The following CPA6 variants were observed in gnomAD, a reference collection of about 807,000 sequenced individuals.
CPA6 encodes carboxypeptidase A6, also known as carboxypeptidase B.
In CPA6, 58 loss-of-function variants were observed where a neutral mutation model predicts 63.3. That is an observed-to-expected ratio of 0.92 (90% CI 0.74 to 1.14). CPA6 has a LOEUF of 1.14. CPA6 is among the 50% of genes most tolerant of loss of function. The pLI is 0.00. For missense variants in CPA6, 565 were observed against 526.6 expected (o/e 1.07, Z -0.71); for synonymous variants, 185 against 179.0 (o/e 1.03, Z -0.27).
At chr8:67,693,428 G>T (rs2128997608) in intron 1 of CPA6, among the ~76,000 whole-genome samples, 1 of 152,374 alleles carries the variant, frequency 6.6e-6, no homozygotes, top group Middle Eastern at 3.4e-3. Flanking sequence ...GGGAGAAGAG[G>T]CTGGTACATT....
intron 2 of CPA6, among the ~76,000 whole-genome samples, chr8:67,529,344 T>C (rs561528677): frequency 5.2e-4 from 79 of 152,256 alleles, no homozygotes; most frequent in African/African-American, 1.9e-3. Context: ...AATTTAAACC[T>C]AACCAGGGAG....
At chr8:67,592,365 C>G (rs1814154061) in intron 2 of CPA6, among the ~76,000 whole-genome samples, 1 of 152,180 alleles carries the variant, frequency 6.6e-6, no homozygotes, top group African/African-American at 2.4e-5. Flanking sequence ...GGTTGTGTCT[C>G]TGCCACACTT....
intron 1 of CPA6, among the ~76,000 whole-genome samples, chr8:67,664,326 G>A (rs1197238724): frequency 2.0e-5 from 3 of 152,204 alleles, no homozygotes; most frequent in Non-Finnish European, 4.4e-5. Context: ...CATGCCAAAT[G>A]TGTAAATATT....
At chr8:67,693,490 T>A (rs369041905) in intron 1 of CPA6, among the ~76,000 whole-genome samples, 1 of 152,230 alleles carries the variant, frequency 6.6e-6, no homozygotes, top group Non-Finnish European at 1.5e-5. Flanking sequence ...ACTGAATGTT[T>A]TTGTCCCTGT....
chr8:67,737,812 G>A (rs1023143523), intron 1 of CPA6, among the ~76,000 whole-genome samples: 1 of 152,200 alleles, frequency 6.6e-6, no homozygotes, highest in Non-Finnish European at 1.5e-5. Context: ...AAGATTTCTG[G>A]AGTCACCAAA....
chr8:67,557,395 G>T (rs1813088264), intron 2 of CPA6, among the ~76,000 whole-genome samples: 1 of 152,192 alleles, frequency 6.6e-6, no homozygotes, highest in Non-Finnish European at 1.5e-5. Context: ...ATGAATGAAA[G>T]TGATTCATGC....
At chr8:67,456,784 G>A (rs143758621) in intron 8 of CPA6, among the ~76,000 whole-genome samples, 9 of 152,228 alleles carry the variant, frequency 5.9e-5, no homozygotes, top group East Asian at 1.9e-4. Flanking sequence ...AGATTATTCC[G>A]GATTATCTGA....
intron 1 of CPA6, among the ~76,000 whole-genome samples, chr8:67,639,790 C>G (rs1815548511): frequency 6.6e-6 from 1 of 151,422 alleles, no homozygotes; most frequent in Non-Finnish European, 1.5e-5. Flanking sequence ...TGTCCTGTGT[C>G]CAGGAAGAAT....
chr8:67,640,676 C>T (rs914852514), intron 1 of CPA6, among the ~76,000 whole-genome samples: 5 of 151,456 alleles, frequency 3.3e-5, no homozygotes, highest in Non-Finnish European at 4.4e-5. Context: ...GCTATAGTTG[C>T]GCCTGGGGAG....
chr8:67,663,345 G>T (rs1200129093), intron 1 of CPA6, among the ~76,000 whole-genome samples: 1 of 152,094 alleles, frequency 6.6e-6, no homozygotes, highest in Non-Finnish European at 1.5e-5. Flanking sequence ...ATCTGCTTGA[G>T]GTAGCAAGCA....
chr8:67,679,556 A>T (rs950976953), intron 1 of CPA6, among the ~76,000 whole-genome samples: 1 of 152,234 alleles, frequency 6.6e-6, no homozygotes, highest in African/African-American at 2.4e-5. Context: ...CAAAATGCTT[A>T]TGCTAGTCAG....
At chr8:67,591,062 A>G (rs1587607168) in intron 2 of CPA6, among the ~76,000 whole-genome samples, 2 of 150,586 alleles carry the variant, frequency 1.3e-5, no homozygotes, top group South Asian at 4.2e-4. Context: ...TAATTTTTGT[A>G]TAAGGTGTAA....
intron 2 of CPA6, among the ~76,000 whole-genome samples, chr8:67,540,007 A>G (rs1470471402): frequency 2.0e-5 from 3 of 152,114 alleles, no homozygotes; most frequent in African/African-American, 7.2e-5. Context: ...CTGCCAATTC[A>G]TCAGACTCAT....
chr8:67,559,749 T>G (rs949920367), intron 2 of CPA6, among the ~76,000 whole-genome samples: 1 of 152,006 alleles, frequency 6.6e-6, no homozygotes, highest in African/African-American at 2.4e-5. Flanking sequence ...TAGGCATCAT[T>G]CTCTGAGCCA....
At chr8:67,624,071 T>A (rs1815142964) in intron 2 of CPA6, 105 bp downstream of exon 2, 3 of 685,382 alleles carry the variant, frequency 4.4e-6, no homozygotes, top group African/African-American at 3.7e-5. Context: ...TCCTTAGCCT[T>A]TACTTTCTTG....
intron 1 of CPA6, among the ~76,000 whole-genome samples, chr8:67,632,687 C>A (rs1270450630): frequency 6.6e-6 from 1 of 152,082 alleles, no homozygotes; most frequent in Non-Finnish European, 1.5e-5. Context: ...TCGTTCTTTA[C>A]TAGAGAGCTA....
intron 1 of CPA6, among the ~76,000 whole-genome samples, chr8:67,739,528 G>A (rs930276148): frequency 1.3e-5 from 2 of 152,138 alleles, no homozygotes; most frequent in East Asian, 3.9e-4. Flanking sequence ...CCCAAATGTA[G>A]AGCACATATT....
At chr8:67,597,674 C>A (rs1432800162) in intron 2 of CPA6, among the ~76,000 whole-genome samples, 8 of 152,018 alleles carry the variant, frequency 5.3e-5, no homozygotes, top group Non-Finnish European at 1.2e-4. Context: ...TCTATGTTTT[C>A]TACTTTTGTT....
chr8:67,456,016 C>T (rs1167559616), intron 8 of CPA6, among the ~76,000 whole-genome samples: 1 of 152,152 alleles, frequency 6.6e-6, no homozygotes, highest in East Asian at 1.9e-4. Flanking sequence ...TGACTGTGCT[C>T]AGCCCTAAGA....
Sources: allele counts gnomAD v4.1 joint callset (sites outside exome capture counted in the v4.1 genomes callset), GRCh38; gene constraint gnomAD v4.1.1; transcripts MANE v1.5; gene names NCBI Gene and HGNC (gene_info 2026-07-23, HGNC 2026-07-21).